Variants in SLC16A5 observed in about 807,000 individuals in gnomAD.
The protein encoded by SLC16A5 is solute carrier family 16 member 5.
SLC16A5 carries 29 observed loss-of-function variants against 33.2 expected under a neutral mutation model. The observed-to-expected ratio is 0.87, with a 90% CI of 0.65 to 1.19. The LOEUF (loss-of-function observed/expected upper bound fraction) is 1.19. Ranked by LOEUF, SLC16A5 falls within the 50% of genes most tolerant of loss-of-function variation. The pLI, the probability that SLC16A5 is intolerant of heterozygous loss-of-function variation, is 0.00. For synonymous variants in SLC16A5, 248 were observed against 284.1 expected, an observed-to-expected ratio of 0.87 and a Z score of 1.28; for missense variants, 606 against 678.2, an observed-to-expected ratio of 0.89 and a Z score of 1.18.
intron 6 of SLC16A5, chr17:75,104,715 G>A (rs886598497): frequency 1.0e-6 from 1 of 960,044 alleles, no homozygotes; most frequent in African/African-American, 1.8e-5. Context: ...CTCCCAAAGT[G>A]CTGGGATTAC....
downstream of SLC16A5, chr17:75,106,303 G>C: frequency 3.6e-6 from 1 of 281,582 alleles, no homozygotes; most frequent in South Asian, 8.8e-5. Flanking sequence ...TCTGAAGGGA[G>C]AGTGCTTGCA....
At chr17:75,100,887 AGTCCAGCATCTCCAGAGGTTGT>A (rs1165913245) in intron 5 of SLC16A5, 71 bp downstream of exon 5, 1 of 1,370,570 alleles carries the variant, frequency 7.3e-7, no homozygotes, top group Non-Finnish European at 9.8e-7. Flanking sequence ...ATCTGGGCCC[AGTCCAGCATCTCCAGAGGTTGT>A]GCTACAGCTG....
chr17:75,089,868 C>T (rs762089287), intron 2 of SLC16A5: 6 of 151,630 alleles, frequency 4.0e-5, no homozygotes, highest in Non-Finnish European at 8.8e-5. Context: ...TCTTTTAAGA[C>T]TACTCAGGAG....
chr17:75,098,918 T>C (rs1193163353), intron 4 of SLC16A5, among the ~76,000 whole-genome samples: 2 of 150,472 alleles, frequency 1.3e-5, no homozygotes, highest in Admixed American at 6.6e-5. Context: ...AGGGAGGAGG[T>C]GTTGGGGGGC....
At chr17:75,098,925 G>GA (rs1429002407) in intron 4 of SLC16A5, among the ~76,000 whole-genome samples, 3 of 152,108 alleles carry the variant, frequency 2.0e-5, no homozygotes, top group Non-Finnish European at 4.4e-5. Flanking sequence ...AGGTGTTGGG[G>GA]GGCACAGAGG....
intron 2 of SLC16A5, chr17:75,093,210 A>T: frequency 1.7e-6 from 1 of 592,544 alleles, no homozygotes; most frequent in East Asian, 2.8e-5. Context: ...CTGACCCCAG[A>T]GGTCTGCTGC....
At chr17:75,090,462 CT>C (rs71159429) in intron 2 of SLC16A5, 51,011 of 122,028 alleles carry the variant, frequency 0.42, 9,593 homozygotes, top group Middle Eastern at 0.52. Flanking sequence ...CTTTTCTTTT[CT>C]TTTTTTTTTT....
intron 5 of SLC16A5, among the ~76,000 whole-genome samples, chr17:75,103,052 G>A (rs1224383000): frequency 3.3e-5 from 5 of 152,064 alleles, no homozygotes; most frequent in African/African-American, 7.2e-5. Flanking sequence ...CACCACACTC[G>A]GCTAATTTTT....
chr17:75,100,114 G>T lies in SLC16A5; in HGVS notation c.451G>T (p.Gly151Cys), dbSNP rs780755371. 2 of 1,614,102 alleles carry T rather than the reference G, an allele frequency of 1.2e-6. No homozygotes were observed. Residue 151 changes from glycine to cysteine, a missense_variant, in exon 5 of 7, where the codon GGC becomes TGC. Gly to Cys is a radical substitution (Grantham distance 159). Coordinates refer to ENST00000329783, the MANE Select transcript of SLC16A5 (RefSeq NM_004695.4). ...NALASMGVSLGITLWPLLSRY... is the reference protein window; with the variant it reads ...NALASMGVSLCITLWPLLSRY... Reference sequence around the variant, plus strand: ...GCTGGCCTCGATGGGCGTCTCCCTGGGCATCACCCTCTGGCCGCTGCTCTC... The same window carrying T: ...GCTGGCCTCGATGGGCGTCTCCCTGTGCATCACCCTCTGGCCGCTGCTCTC...
chr17:75,104,354 C>T (rs947493354), intron 6 of SLC16A5, 174 bp downstream of exon 6: 5 of 1,425,602 alleles, frequency 3.5e-6, no homozygotes, highest in African/African-American at 1.4e-5. Context: ...GCTCTGCAAG[C>T]TGGGACTCTG....
chr17:75,091,296 C>T (rs1199161090), intron 2 of SLC16A5, among the ~76,000 whole-genome samples: 1 of 152,188 alleles, frequency 6.6e-6, no homozygotes, highest in Non-Finnish European at 1.5e-5. Context: ...GTGGCCTTTC[C>T]GTTTGCTGAG....
downstream of SLC16A5, chr17:75,109,972 A>C: frequency 1.6e-5 from 5 of 305,528 alleles, no homozygotes; most frequent in Non-Finnish European, 2.5e-5. The surrounding 1 kb of genome is among the most constrained non-coding windows in gnomAD (Gnocchi z 5.0). Flanking sequence ...GGAGCCCGGA[A>C]CCGAGCCCAG....
intron 3 of SLC16A5, among the ~76,000 whole-genome samples, chr17:75,095,920 A>G (rs1010257551): frequency 2.6e-5 from 4 of 151,586 alleles, no homozygotes; most frequent in Admixed American, 2.6e-4. Context: ...TGGCCTCCCA[A>G]AGTGCTGGGA....
At chr17:75,107,403 A>G (rs769853387), downstream of SLC16A5, among the ~76,000 whole-genome samples, 3 of 152,220 alleles carry the variant, frequency 2.0e-5, no homozygotes, top group African/African-American at 7.2e-5. Context: ...AATTCCTTCA[A>G]TAAATATTTA....
At chr17:75,093,531 G>C (rs564110529) in intron 2 of SLC16A5, 58 bp from the exon 3 acceptor site, 1 of 1,539,254 alleles carries the variant, frequency 6.5e-7, no homozygotes, top group South Asian at 1.2e-5. Flanking sequence ...GGTGGCAGGT[G>C]GGCCAGGAGA....
In SLC16A5 at chr17:75,093,770, T is replaced by A; in HGVS notation, c.134T>A (p.Phe45Tyr). 1.2e-6 allele frequency: 2 copies of A among 1,614,130 alleles called. No individual in the cohort carries two copies. Among genetic ancestry groups the A allele is most frequent in the Non-Finnish European group, 1.7e-6 (2 of 1,179,988 alleles). The stretch of plus-strand genomic sequence containing the variant: ...TTCTTCACTGAATTGCAATGGGAGT[T>A]CCAGGCCAGCAACAGCGAGACCTCT... ...GIFFTELQWE[F>Y]QASNSETSWF... The change falls in exon 3 of 7, where the codon TTC (phenylalanine) becomes TAC (tyrosine). Residue 45 changes from phenylalanine (F) to tyrosine (Y), a missense_variant. Transcript: ENST00000329783.
intron 3 of SLC16A5, among the ~76,000 whole-genome samples, chr17:75,096,256 G>A (rs1008746449): frequency 2.0e-5 from 3 of 151,780 alleles, no homozygotes; most frequent in African/African-American, 4.9e-5. Flanking sequence ...GTGAGTTCAC[G>A]GCAGAGGAAA....
At chr17:75,094,327 T>C (rs2073686489) in intron 3 of SLC16A5, among the ~76,000 whole-genome samples, 1 of 152,174 alleles carries the variant, frequency 6.6e-6, no homozygotes. Flanking sequence ...CTGTGAATTA[T>C]TAATATTTTG....
At chr17:75,101,110 G>A (rs987970518) in intron 5 of SLC16A5, among the ~76,000 whole-genome samples, 4 of 151,712 alleles carry the variant, frequency 2.6e-5, no homozygotes, top group African/African-American at 9.7e-5. Context: ...TTAGTTGGGC[G>A]TTGTGATGGG....
Sources: gnomAD v4.1 joint callset for allele counts (sites outside exome capture counted in the v4.1 genomes callset) on GRCh38, gnomAD v4.1.1 for gene constraint, Gnocchi (gnomAD v3.1) non-coding constraint, MANE v1.5 for transcripts, NCBI Gene and HGNC (gene_info 2026-07-23, HGNC 2026-07-21) for gene names.